The following XRRA1 variants were observed in gnomAD, a reference collection of about 807,000 sequenced individuals.
The protein encoded by XRRA1 is X-ray radiation resistance associated 1.
XRRA1 carries 69 observed loss-of-function variants against 80.2 expected under a neutral mutation model. The observed-to-expected ratio is 0.86, with a 90% CI of 0.71 to 1.05. The LOEUF is 1.05. XRRA1 is among the 50% of genes least tolerant of loss of function. The pLI, the probability that XRRA1 is intolerant of heterozygous loss-of-function variation, is 0.00. For synonymous variants in XRRA1, 348 were observed against 389.9 expected, an observed-to-expected ratio of 0.89 and a Z score of 1.27; for missense variants, 967 against 976.4, an observed-to-expected ratio of 0.99 and a Z score of 0.13.
rs923607466 is a variant in XRRA1, at chr11:74,903,267, T to C, written c.1003+2972A>G. Reference sequence around the variant, plus strand: ...AGGAAAACCCTGGCACAGTGGTATATGCAAAAGATGTTCACAAGGTTGTTC... The same window carrying C: ...AGGAAAACCCTGGCACAGTGGTATACGCAAAAGATGTTCACAAGGTTGTTC... On this transcript the variant is annotated intron_variant, in intron 10 of 18. Transcript: ENST00000684022. Among the ~76,000 whole-genome samples, 6 of 152,218 alleles carry C rather than the reference T, an allele frequency of 3.9e-5. No homozygotes were observed. In the South Asian group the frequency reaches 6.2e-4, roughly 16 times the overall value.
intron 8 of XRRA1, among the ~76,000 whole-genome samples, chr11:74,915,757 G>C (rs906672899): frequency 1.3e-5 from 2 of 152,146 alleles, no homozygotes; most frequent in Admixed American, 1.3e-4. Flanking sequence ...TTTAATGAGA[G>C]CTTTATTCCT....
intron 11 of XRRA1, among the ~76,000 whole-genome samples, chr11:74,861,043 A>G (rs1342103928): frequency 6.6e-6 from 1 of 152,214 alleles, no homozygotes. Flanking sequence ...TGAGCCTCCA[A>G]TAAAAGCTCT....
intron 10 of XRRA1, chr11:74,863,381 C>G: frequency 7.7e-6 from 2 of 261,100 alleles, no homozygotes; most frequent in Non-Finnish European, 1.5e-5. Context: ...CACTTTCGAG[C>G]CTCAGAATTA....
chr11:74,930,241 C>T, intron 6 of XRRA1, 59 bp downstream of exon 6: 2 of 1,352,850 alleles, frequency 1.5e-6, no homozygotes, highest in Non-Finnish European at 1.0e-6. Flanking sequence ...TCCTAACACA[C>T]GTGAATGGCT....
chr11:74,914,590 C>G (rs1054660372), intron 8 of XRRA1, among the ~76,000 whole-genome samples: 7 of 152,062 alleles, frequency 4.6e-5, no homozygotes, highest in African/African-American at 1.7e-4. Flanking sequence ...CCTTTTCCCT[C>G]TCATATATGT....
intron 10 of XRRA1, among the ~76,000 whole-genome samples, chr11:74,886,388 A>C (rs2049020559): frequency 6.6e-6 from 1 of 152,230 alleles, no homozygotes; most frequent in African/African-American, 2.4e-5. Context: ...ATCAATGTAC[A>C]AAATTCAATA....
intron 10 of XRRA1, among the ~76,000 whole-genome samples, chr11:74,902,995 ATAAAT>A (rs1049275902): frequency 6.0e-4 from 91 of 152,344 alleles, no homozygotes; most frequent in African/African-American, 2.2e-3. Context: ...CACAAAAATT[ATAAAT>A]TAAAAAGTTT....
Position 74,935,637 on chromosome 11 carries a change from A to G in XRRA1, c.279+1247T>C, listed in dbSNP as rs528261120. On this transcript the variant is annotated intron_variant, in intron 4 of 18. Coordinates refer to ENST00000684022, the MANE Select transcript of XRRA1 (RefSeq NM_001378157.1). ...AGGTACTGGCTTGGCAACTGGGTAG[A>G]TGGTAGTGCCAACAGAGAGAGTAAA... 2.0e-5 allele frequency among the ~76,000 whole-genome samples: 3 copies of G among 152,300 alleles called. No homozygotes were observed. In the East Asian group the frequency reaches 5.8e-4, roughly 29 times the overall value.
intron 10 of XRRA1, among the ~76,000 whole-genome samples, chr11:74,886,115 G>A (rs1418860536): frequency 1.3e-5 from 2 of 152,132 alleles, no homozygotes; most frequent in Non-Finnish European, 2.9e-5. Context: ...CATGCTGAAT[G>A]GGCAAAAGCT....
intron 4 of XRRA1, among the ~76,000 whole-genome samples, chr11:74,936,266 C>A (rs1328564027): frequency 6.6e-6 from 1 of 152,250 alleles, no homozygotes; most frequent in African/African-American, 2.4e-5. Context: ...CCACCCCAGT[C>A]CTCTTTGTAA....
At chr11:74,937,218 A>G in intron 3 of XRRA1, 150 bp from the exon 4 acceptor site, 2 of 759,626 alleles carry the variant, frequency 2.6e-6, no homozygotes, top group South Asian at 4.7e-5. Context: ...GGTAGGGGAG[A>G]TATCTACCTA....
rs569865222 is a variant in XRRA1 at position 74,915,202 on chromosome 11, A to T, written c.656+6012T>A. 2.0e-5 allele frequency among the ~76,000 whole-genome samples: 3 copies of T among 152,354 alleles called. No homozygotes were observed. In the East Asian group the frequency reaches 5.8e-4, roughly 29 times the overall value. On this transcript the variant is annotated intron_variant, in intron 8 of 18. Transcript: ENST00000684022. ...GAGATAGCCAGAAATACAGATCTAT[A>T]CTGATTCACGGGCAGTGGCTGATGG...
chr11:74,862,557 C>T (rs570598157), intron 11 of XRRA1, among the ~76,000 whole-genome samples: 2 of 152,338 alleles, frequency 1.3e-5, no homozygotes, highest in South Asian at 2.1e-4. Context: ...GTGACATCAA[C>T]GATTAGGTCC....
In XRRA1 at chr11:74,915,520, A is replaced by G. The variant is rs117664269; in HGVS notation, c.656+5694T>C. 1.8e-3 allele frequency among the ~76,000 whole-genome samples: 274 copies of G among 152,306 alleles called. 5 individuals carry two copies. In the East Asian group the frequency reaches 0.032, roughly 18 times the overall value. The stretch of plus-strand genomic sequence containing the variant: ...CCCTTGCTGAGTACTCAACCTGCCA[A>G]TGGCAGAGGCCACTGCTGAACCCCT... On this transcript the variant is annotated intron_variant, in intron 8 of 18. Transcript: ENST00000684022.
chr11:74,900,467 A>G (rs922596927), intron 10 of XRRA1, among the ~76,000 whole-genome samples: 2 of 152,104 alleles, frequency 1.3e-5, no homozygotes, highest in Non-Finnish European at 1.5e-5. Flanking sequence ...CTGTAATCCC[A>G]GCTACTTGGG....
intron 8 of XRRA1, among the ~76,000 whole-genome samples, chr11:74,913,233 C>G (rs958963868): frequency 5.3e-5 from 8 of 152,116 alleles, no homozygotes; most frequent in African/African-American, 1.9e-4. Flanking sequence ...CAATAGTAAA[C>G]CAAAAACAAT....
intron 15 of XRRA1, 90 bp from the exon 16 acceptor site, chr11:74,845,361 G>A (rs563228440): frequency 7.2e-7 from 1 of 1,385,042 alleles, no homozygotes; most frequent in East Asian, 2.5e-5. Flanking sequence ...GCTGGTCTCT[G>A]CTGGGCCCTG....
intron 8 of XRRA1, among the ~76,000 whole-genome samples, chr11:74,913,054 A>C (rs1222075127): frequency 6.6e-6 from 1 of 152,242 alleles, no homozygotes; most frequent in African/African-American, 2.4e-5. Flanking sequence ...ATTTAGCCAA[A>C]GTCTGTTTCA....
At chr11:74,906,995 G>A in intron 9 of XRRA1, 150 bp downstream of exon 9, 1 of 1,034,936 alleles carries the variant, frequency 9.7e-7, no homozygotes. Context: ...AGCTCAGAGG[G>A]GAGAAATGAC....
Sources: allele counts gnomAD v4.1 joint callset (sites outside exome capture counted in the v4.1 genomes callset), GRCh38; gene constraint gnomAD v4.1.1; transcripts MANE v1.5; gene names NCBI Gene and HGNC (gene_info 2026-07-23, HGNC 2026-07-21).